MTMR8: variants seen among roughly 807,000 people sequenced by gnomAD.
MTMR8 encodes the protein myotubularin related protein 8, also known as phosphatidylinositol-3,5-bisphosphate 3-phosphatase MTMR8.
A neutral mutation model predicts 39.3 loss-of-function variants in MTMR8; 65 were observed. That is an observed-to-expected ratio of 1.65 (90% CI 1.35 to 2.03). The LOEUF (loss-of-function observed/expected upper bound fraction) is 2.03, where lower values mean the gene tolerates loss of function less well. Ranked by LOEUF, MTMR8 falls within the 30% of genes most tolerant of loss-of-function variation. The pLI is 0.00. For missense variants in MTMR8, 777 were observed against 538.9 expected, an observed-to-expected ratio of 1.44 and a Z score of -4.37; for synonymous variants, 245 against 185.2, an observed-to-expected ratio of 1.32 and a Z score of -2.62.
At chrX:64,392,703 T>C (rs938278877) in intron 1 of MTMR8, among the ~76,000 whole-genome samples, 1 of 111,661 alleles carries the variant, frequency 9.0e-6, no homozygotes, top group African/African-American at 3.3e-5. Context: ...CTTTTCTTTA[T>C]GTGTACTGTA....
In MTMR8 at chrX:64,341,243, C is replaced by T. The variant is rs371884320; in HGVS notation, c.975+2368G>A. On this transcript the variant is annotated intron_variant, in intron 8 of 13. Transcript: ENST00000374852. ...CCTGTAATCCCAGCACTTTGGGAGG[C>T]CAAGGCTGGTGGATCACCTGAGGTC... Among the ~76,000 whole-genome samples, 3 of 111,580 alleles carry T rather than the reference C, an allele frequency of 2.7e-5. No homozygotes were observed. The East Asian group carries it at 8.5e-4, about 31-fold the overall frequency.
intron 12 of MTMR8, chrX:64,306,574 G>A (rs1242954760): frequency 8.6e-6 from 1 of 115,788 alleles, no homozygotes; most frequent in African/African-American, 3.3e-5. Context: ...GTCTTCACAG[G>A]TATCTTCATT....
At chrX:64,338,050 C>T (rs909430088) in intron 8 of MTMR8, among the ~76,000 whole-genome samples, 2 of 111,239 alleles carry the variant, frequency 1.8e-5, no homozygotes, top group African/African-American at 6.5e-5. Flanking sequence ...TCAGGGTGAC[C>T]GAAAATAAAT....
At chrX:64,329,831 T>C (rs1469545529) in intron 11 of MTMR8, among the ~76,000 whole-genome samples, 1 of 111,854 alleles carries the variant, frequency 8.9e-6, no homozygotes, top group Non-Finnish European at 1.9e-5. Context: ...AAATATTGCG[T>C]TGGTAAGGTA....
intron 12 of MTMR8, among the ~76,000 whole-genome samples, chrX:64,327,334 G>T: frequency 9.0e-6 from 1 of 111,353 alleles, no homozygotes; most frequent in Non-Finnish European, 1.9e-5. Context: ...CAACTAAATA[G>T]CAAAGCAAAC....
intron 12 of MTMR8, among the ~76,000 whole-genome samples, chrX:64,283,360 A>G (rs1334957773): frequency 5.3e-5 from 6 of 112,298 alleles, no homozygotes; most frequent in Non-Finnish European, 5.6e-5. Flanking sequence ...CTGCAGCTCA[A>G]GGAGGCCTGC....
Position 64,268,349 on chromosome X carries a change from C to T in MTMR8, c.*188G>A, listed in dbSNP as rs150211607. ...ACATATTCTTTCTCTTGCCTACACT[C>T]TGTACTGCTTAATATGAACATATTG... On this transcript the variant is annotated 3_prime_UTR_variant, in exon 14 of 14. Transcript: ENST00000374852. 276 of 458,831 alleles carry T rather than the reference C, an allele frequency of 6.0e-4. 2 individuals are homozygous for T. In the East Asian group the frequency reaches 7.8e-3, roughly 13 times the overall value. 37.8% of individuals were successfully genotyped at this position (458,831 alleles called of 1,213,427 possible). A position where few individuals can be genotyped will look rare whatever the true frequency, so the allele number is the denominator to read the frequency against.
intron 12 of MTMR8, among the ~76,000 whole-genome samples, chrX:64,317,787 G>A (rs1472423513): frequency 8.9e-6 from 1 of 111,920 alleles, no homozygotes; most frequent in Non-Finnish European, 1.9e-5. Context: ...AACTGTTTTG[G>A]CAGGGGATAA....
At position 64,271,000 on chromosome X, in the gene MTMR8, C is replaced by T. The variant is rs771959682; in HGVS notation, c.1555G>A (p.Glu519Lys). 11 of 1,210,094 alleles carry T rather than the reference C, an allele frequency of 9.1e-6. No homozygotes were observed. The highest frequency in any genetic ancestry group is 1.2e-5 in the Non-Finnish European group (11 of 894,694). Residue 519 changes from glutamate (E) to lysine (K), a missense_variant, in exon 13 of 14, where the codon GAA (glutamate) becomes AAA (lysine). Physicochemically the swap from Glu to Lys is moderately conservative, Grantham distance 56. Coordinates refer to ENST00000374852, the MANE Select transcript of MTMR8 (RefSeq NM_017677.4). ...PKQSMLESLL[E>K]IKKQRAMLET... ...AGCATTGCTCTCTGTTTCTTAATTT[C>T]CAGGAGGCTCTCTAGCATACTCTGC...
At chrX:64,344,997 T>C in intron 7 of MTMR8, 48 bp downstream of exon 7, 1 of 1,183,929 alleles carries the variant, frequency 8.4e-7, no homozygotes, top group African/African-American at 1.8e-5. Flanking sequence ...GCTTACATGA[T>C]AACGCAAAGC....
chrX:64,350,088 C>CT lies in MTMR8; in HGVS notation c.469-19_469-18insA. 1 of 970,537 alleles carries CT rather than the reference C, an allele frequency of 1.0e-6. No individual in the cohort carries two copies. Among genetic ancestry groups the CT allele is most frequent in the African/African-American group, 2.0e-5 (1 of 48,965 alleles). 80.0% of individuals were successfully genotyped at this position (970,537 alleles called of 1,213,427 possible). A position where few individuals can be genotyped will look rare whatever the true frequency, so the allele number is the denominator to read the frequency against. On this transcript the variant is annotated intron_variant, in intron 4 of 13. Transcript: ENST00000374852. ...CTGCATATCTAAAAGAAAATAAGCA[C>CT]AATATATATAAATATATATTTATAC...
chrX:64,370,666 C>T (rs768101158), intron 1 of MTMR8, among the ~76,000 whole-genome samples: 3 of 112,067 alleles, frequency 2.7e-5, no homozygotes, highest in African/African-American at 9.7e-5. Flanking sequence ...CAACAACGTA[C>T]CACAAATACA....
At chrX:64,352,307 G>A (rs919248814) in intron 4 of MTMR8, among the ~76,000 whole-genome samples, 15 of 111,565 alleles carry the variant, frequency 1.3e-4, no homozygotes, top group Non-Finnish European at 7.5e-5. Flanking sequence ...TCCTGGTTTT[G>A]TTGACTTTGT....
chrX:64,393,059 T>A (rs1178773213), intron 1 of MTMR8, among the ~76,000 whole-genome samples: 1 of 111,080 alleles, frequency 9.0e-6, no homozygotes, highest in Non-Finnish European at 1.9e-5. Context: ...TCATTTGGAG[T>A]TTTTATTTAT....
At chrX:64,341,559 T>C (rs1488735485) in intron 8 of MTMR8, among the ~76,000 whole-genome samples, 3 of 110,280 alleles carry the variant, frequency 2.7e-5, no homozygotes, top group African/African-American at 9.9e-5. Flanking sequence ...TAACTCTATA[T>C]GTTGAAAAAT....
chrX:64,378,765 C>T (rs1924336295), intron 1 of MTMR8, among the ~76,000 whole-genome samples: 1 of 111,173 alleles, frequency 9.0e-6, no homozygotes, highest in Admixed American at 9.6e-5. Flanking sequence ...AAATTTAATC[C>T]AAAGTAAACT....
chrX:64,350,119 T>A, intron 4 of MTMR8, 49 bp from the exon 5 acceptor site: 5 of 741,378 alleles, frequency 6.7e-6, no homozygotes, highest in Non-Finnish European at 8.6e-6. Context: ...TATACATTTA[T>A]ATATAACTGT....
chrX:64,365,627 G>A (rs1923927094), intron 1 of MTMR8, among the ~76,000 whole-genome samples: 1 of 111,602 alleles, frequency 9.0e-6, no homozygotes, highest in South Asian at 3.8e-4. Context: ...ACATGGAAAG[G>A]AACAACCATT....
At chrX:64,383,412 A>G (rs956972708) in intron 1 of MTMR8, among the ~76,000 whole-genome samples, 2 of 109,214 alleles carry the variant, frequency 1.8e-5, no homozygotes, top group African/African-American at 6.6e-5. Context: ...CAAAAATTAT[A>G]TATATGATAT....
Sources: gnomAD v4.1 joint callset for allele counts (sites outside exome capture counted in the v4.1 genomes callset) on GRCh38, gnomAD v4.1.1 for gene constraint, MANE v1.5 for transcripts, NCBI Gene and HGNC (gene_info 2026-07-23, HGNC 2026-07-21) for gene names.